The following CEP120 variants were observed in gnomAD, a reference collection of about 807,000 sequenced individuals.
CEP120 encodes centrosomal protein of 120 kDa.
A neutral mutation model predicts 126.5 loss-of-function variants in CEP120; 113 were observed. That is an observed-to-expected ratio of 0.89 (90% CI 0.77 to 1.04). The LOEUF (loss-of-function observed/expected upper bound fraction) is 1.04, where lower values mean the gene tolerates loss of function less well. CEP120 is among the 50% of genes least tolerant of loss of function. The probability of loss-of-function intolerance (pLI) is 0.00; values close to 1 mark genes in which losing one functional copy is unlikely to be tolerated. For missense variants in CEP120, 1,230 were observed against 1,155.7 expected (o/e 1.06, Z -0.93); for synonymous variants, 400 against 394.3 (o/e 1.01, Z -0.17).
chr5:123,416,629 T>C (rs1212826135), intron 2 of CEP120, among the ~76,000 whole-genome samples: 1 of 151,982 alleles, frequency 6.6e-6, no homozygotes, highest in Non-Finnish European at 1.5e-5. Context: ...ATTAATTATA[T>C]CTACTAACCT....
At chr5:123,400,770 A>T (rs962732412) in intron 4 of CEP120, among the ~76,000 whole-genome samples, 20 of 144,638 alleles carry the variant, frequency 1.4e-4, no homozygotes, top group Middle Eastern at 3.8e-3. Flanking sequence ...GGGGGTCCCC[A>T]GGCAGTAAAC....
intron 6 of CEP120, 95 bp from the exon 7 acceptor site, chr5:123,391,432 G>T: frequency 1.0e-6 from 1 of 965,134 alleles, no homozygotes; most frequent in Non-Finnish European, 1.6e-6. Flanking sequence ...ATGATGCATG[G>T]AAAGAAAATA....
Position 123,409,515 on chromosome 5 carries a change from T to C in CEP120, c.463+2884A>G, listed in dbSNP as rs1773899416. On this transcript the variant is annotated intron_variant, in intron 4 of 19. Transcript: ENST00000306467. ...CAAGGATGTCCCTTCTCACCACTCC[T>C]TTTCAACATCATACTTAGAGCCTTA... is the stretch of plus-strand genomic sequence containing the variant. Among the ~76,000 whole-genome samples the C allele has an allele frequency of 2.0e-5, 3 of 152,174 alleles. No individual in the cohort carries two copies. In the South Asian group the frequency reaches 6.2e-4, roughly 32 times the overall value.
chr5:123,364,493 T>TA lies in CEP120; in HGVS notation c.2580+2dup. On this transcript the variant is annotated splice_region_variant and intron_variant, in intron 18 of 19. Transcript: ENST00000306467. Reference sequence around the variant, plus strand: ...TAAAAAGAATAAGCTATAAACTACATACCTGTTTAAGTCTGGCAAGTTCTT... The same window carrying TA: ...TAAAAAGAATAAGCTATAAACTACATAACCTGTTTAAGTCTGGCAAGTTCTT... 1 of 1,589,442 alleles carries TA rather than the reference T, an allele frequency of 6.3e-7. No homozygotes were observed. Among genetic ancestry groups the TA allele is most frequent in the Non-Finnish European group, 8.6e-7 (1 of 1,162,024 alleles).
chr5:123,386,453 TA>T, intron 10 of CEP120, 64 bp downstream of exon 10: 1 of 1,180,696 alleles, frequency 8.5e-7, no homozygotes, highest in Non-Finnish European at 1.1e-6. Context: ...TCCTTTTTAA[TA>T]AAATACAAAT....
rs762658912 is a variant in CEP120 at position 123,423,042 on chromosome 5, T to G, written c.-44A>C. 1 of 1,560,392 alleles carries G rather than the reference T, an allele frequency of 6.4e-7. No individual in the cohort carries two copies. On this transcript the variant is annotated 5_prime_UTR_variant, in exon 1 of 20. Coordinates refer to ENST00000306467, the MANE Select transcript of CEP120 (RefSeq NM_001375405.1). ...GGGGGCGAAGGCGGCTGGGGGGAAG[T>G]GAGGTCCAGTTGAGTCGCGGGTAAT...
chr5:123,356,093 T>G (rs1025729359), intron 18 of CEP120, among the ~76,000 whole-genome samples: 2 of 152,160 alleles, frequency 1.3e-5, no homozygotes, highest in Admixed American at 1.3e-4. Flanking sequence ...GTTGTAGATA[T>G]GCGGCATTAT....
chr5:123,402,864 C>T (rs1773358440), intron 4 of CEP120, among the ~76,000 whole-genome samples: 1 of 152,184 alleles, frequency 6.6e-6, no homozygotes, highest in Non-Finnish European at 1.5e-5. Context: ...ATGAGAGCTC[C>T]TCCCTAATGA....
At chr5:123,410,895 A>G (rs1232270295) in intron 4 of CEP120, among the ~76,000 whole-genome samples, 1 of 152,234 alleles carries the variant, frequency 6.6e-6, no homozygotes, top group Non-Finnish European at 1.5e-5. Context: ...GAATGAGAAG[A>G]TAAGCCACAT....
chr5:123,347,677 A>ACTC (rs1355404019), intron 19 of CEP120, among the ~76,000 whole-genome samples: 1 of 151,966 alleles, frequency 6.6e-6, no homozygotes, highest in Non-Finnish European at 1.5e-5. Flanking sequence ...ACAAGGTCTC[A>ACTC]CTCTGTCGCC....
At chr5:123,351,714 G>A (rs1769210435) in intron 18 of CEP120, among the ~76,000 whole-genome samples, 1 of 152,138 alleles carries the variant, frequency 6.6e-6, no homozygotes, top group African/African-American at 2.4e-5. Flanking sequence ...CATATACCTT[G>A]TATACACAGC....
rs768733124 is a variant in CEP120 at position 123,377,387 on chromosome 5, C to T, written c.2345G>A (p.Arg782His). 1.0e-5 allele frequency: 16 copies of T among 1,607,498 alleles called. No homozygotes were observed. The highest frequency in any genetic ancestry group is 6.7e-5 in the African/African-American group (5 of 74,574). Reference sequence around the variant, plus strand: ...ACGTTATCCAACCTGTTGCTGAAGGCGGTGTTTATCCTCTTCGAGCTGTTT... The same window carrying T: ...ACGTTATCCAACCTGTTGCTGAAGGTGGTGTTTATCCTCTTCGAGCTGTTT... ...KIKQLEEDKH[R>H]LQQQLNDAEN... Residue 782 changes from arginine (R) to histidine (H), a missense_variant, in exon 16 of 20, where the codon CGC becomes CAC. Transcript: ENST00000306467.
At chr5:123,358,821 A>C (rs1291044585) in intron 18 of CEP120, among the ~76,000 whole-genome samples, 1 of 152,068 alleles carries the variant, frequency 6.6e-6, no homozygotes, top group African/African-American at 2.4e-5. Flanking sequence ...AAATCCAGAA[A>C]GGAGATGTAA....
At chr5:123,347,703 T>C (rs957122825) in intron 19 of CEP120, among the ~76,000 whole-genome samples, 2 of 152,128 alleles carry the variant, frequency 1.3e-5, no homozygotes, top group African/African-American at 4.8e-5. Context: ...TGGAGTGCAG[T>C]GGTGTGATCA....
chr5:123,353,249 ACT>A (rs1358349358), intron 18 of CEP120, among the ~76,000 whole-genome samples: 1 of 151,180 alleles, frequency 6.6e-6, no homozygotes. Context: ...TTATGTAAAA[ACT>A]CTTTATTAGA....
At chr5:123,410,130 C>G (rs535484204) in intron 4 of CEP120, among the ~76,000 whole-genome samples, 1 of 151,818 alleles carries the variant, frequency 6.6e-6, no homozygotes. Flanking sequence ...ATAAAGAATT[C>G]GTATATAAAT....
At chr5:123,411,782 C>T (rs917410303) in intron 4 of CEP120, among the ~76,000 whole-genome samples, 4 of 152,158 alleles carry the variant, frequency 2.6e-5, no homozygotes, top group African/African-American at 9.7e-5. Context: ...AAGTCATTTA[C>T]ATTTGTCAAA....
At chr5:123,374,568 G>A (rs1188499679) in intron 16 of CEP120, among the ~76,000 whole-genome samples, 2 of 151,840 alleles carry the variant, frequency 1.3e-5, no homozygotes, top group Admixed American at 6.6e-5. Flanking sequence ...TAAACCAATT[G>A]TCTCTTCCCT....
chr5:123,367,673 C>G (rs1039180450), intron 17 of CEP120, among the ~76,000 whole-genome samples: 1 of 151,874 alleles, frequency 6.6e-6, no homozygotes, highest in Admixed American at 6.6e-5. Context: ...CCTCTGATCC[C>G]AAGCATTTTG....
Sources: gnomAD v4.1 joint callset for allele counts (sites outside exome capture counted in the v4.1 genomes callset) on GRCh38, gnomAD v4.1.1 for gene constraint, MANE v1.5 for transcripts, NCBI Gene and HGNC (gene_info 2026-07-23, HGNC 2026-07-21) for gene names.